The following PCDHAC2 variants were observed in gnomAD, a reference collection of about 807,000 sequenced individuals.
PCDHAC2 encodes the protein protocadherin alpha-C2.
A neutral mutation model predicts 63.3 loss-of-function variants in PCDHAC2; 24 were observed. That is an observed-to-expected ratio of 0.38 (90% CI 0.27 to 0.53). PCDHAC2 has a LOEUF of 0.53. PCDHAC2 is among the 20% of genes least tolerant of loss of function. The probability of loss-of-function intolerance (pLI) is 0.81; values close to 1 mark genes in which losing one functional copy is unlikely to be tolerated. For missense variants in PCDHAC2, 1,181 were observed against 1,275.2 expected (o/e 0.93, Z 1.12); for synonymous variants, 569 against 529.4 (o/e 1.07, Z -1.03).
At chr5:140,990,736 C>G (rs181451094) in intron 3 of PCDHAC2, among the ~76,000 whole-genome samples, 22 of 152,218 alleles carry the variant, frequency 1.4e-4, no homozygotes, top group African/African-American at 5.3e-4. Flanking sequence ...TATCAACAGC[C>G]CTAGGGTGGA....
chr5:141,009,298 T>C (rs1196659486), intron 3 of PCDHAC2, among the ~76,000 whole-genome samples: 1 of 152,130 alleles, frequency 6.6e-6, no homozygotes, highest in Non-Finnish European at 1.5e-5. Context: ...CTATAAAATT[T>C]TTTTTAAAAA....
intron 3 of PCDHAC2, among the ~76,000 whole-genome samples, chr5:141,004,253 C>G (rs1460798910): frequency 6.6e-6 from 1 of 152,200 alleles, no homozygotes; most frequent in Non-Finnish European, 1.5e-5. Flanking sequence ...TTTTGTTTTA[C>G]TGGAATGAGT....
In PCDHAC2 at chr5:140,987,075, G is replaced by A. The variant is rs564788093; in HGVS notation, c.2713+4512G>A. On this transcript the variant is annotated intron_variant, in intron 3 of 3. Coordinates refer to ENST00000289269, the MANE Select transcript of PCDHAC2 (RefSeq NM_018899.6). ...CTAAAGTTACAAAAATGAGCTGGGC[G>A]TGGTGGCAGGTGCCTGTAATCCCAG... is the stretch of plus-strand genomic sequence containing the variant. Among the ~76,000 whole-genome samples the A allele has an allele frequency of 3.7e-4, 57 of 152,124 alleles. No individual in the cohort carries two copies. In the East Asian group the frequency reaches 9.9e-3, roughly 26 times the overall value.
rs2096316993 is a variant in PCDHAC2 at position 140,969,307 on chromosome 5, A to C, written c.2541A>C (p.Lys847Asn). 1 of 1,614,192 alleles carries C rather than the reference A, an allele frequency of 6.2e-7. No homozygotes were observed. Among genetic ancestry groups the C allele is most frequent in the Non-Finnish European group, 8.5e-7 (1 of 1,180,022 alleles). The change falls in exon 1 of 4, where the codon AAA becomes AAC. Residue 847 changes from lysine (K) to asparagine (N), a missense_variant. Lys to Asn is a moderately conservative substitution (Grantham distance 94). Transcript: ENST00000289269. ...GQNAGNLIIL[K>N]NEAVSQNEPR... ...ATGCTGGGAACCTGATTATTCTCAA[A>C]AATGAGGCTGTTTCTCAAAATGAGG...
chr5:140,975,964 T>C (rs1554237162), intron 1 of PCDHAC2, among the ~76,000 whole-genome samples: 2 of 152,218 alleles, frequency 1.3e-5, no homozygotes, highest in South Asian at 2.1e-4. Flanking sequence ...TCTTCACCAA[T>C]AGAAAGTAAG....
intron 3 of PCDHAC2, 171 bp from the exon 4 acceptor site, chr5:141,009,456 C>CAAAT: frequency 3.2e-6 from 3 of 947,762 alleles, no homozygotes; most frequent in Non-Finnish European, 2.5e-6. Flanking sequence ...AAAAATTAAA[C>CAAAT]AAATAAATAA....
chr5:140,967,020 C>G lies in PCDHAC2; in HGVS notation c.254C>G (p.Pro85Arg), dbSNP rs782147091. 2.5e-6 allele frequency: 4 copies of G among 1,607,570 alleles called. No homozygotes were observed. The highest frequency in any genetic ancestry group is 1.3e-5 in the African/African-American group (1 of 74,898). The stretch of plus-strand genomic sequence containing the variant: ...TTGCGCATCAACCATCTGGGTGCGC[C>G]CAGTCCGCGCTACCTGGAGCTGGAC... ...GCLRINHLGAPSPRYLELDLT... is the reference protein window; with the variant it reads ...GCLRINHLGARSPRYLELDLT... Residue 85 changes from proline (P) to arginine (R), a missense_variant, in exon 1 of 4, where the codon CCC becomes CGC. Pro to Arg is a moderately radical substitution (Grantham distance 103). Transcript: ENST00000289269.
Position 140,966,905 on chromosome 5 carries a change from T to C in PCDHAC2, c.139T>C (p.Ser47Pro), listed in dbSNP as rs1554228876. Residue 47 changes from serine to proline, a missense_variant, in exon 1 of 4, where the codon TCT (serine) becomes CCT (proline). By Grantham distance (74) the Ser-to-Pro change is moderately conservative. Transcript: ENST00000289269. ...PGPAASQLRY[S>P]VPEEQAPGAL... is the part of the protein sequence containing the mutation. ...CCCTGCGGCCTCCCAGCTGCGATAC[T>C]CTGTGCCAGAGGAGCAGGCACCCGG... 1.9e-6 allele frequency: 3 copies of C among 1,600,790 alleles called. No homozygotes were observed. Among genetic ancestry groups the C allele is most frequent in the Non-Finnish European group, 2.5e-6 (3 of 1,177,098 alleles).
rs79247475 is a variant in PCDHAC2 at position 140,982,540 on chromosome 5, C to G, written c.2690C>G (p.Pro897Arg). The G allele has an allele frequency of 4.3e-3, 6,927 of 1,614,122 alleles. 34 individuals are homozygous for G. The highest frequency in any genetic ancestry group is 5.0e-3 in the South Asian group (455 of 91,080). Residue 897 changes from proline to arginine, a missense_variant, in exon 3 of 4, where the codon CCA becomes CGA. Physicochemically the swap from Pro to Arg is moderately radical, Grantham distance 103. Around this residue, in one of 3 missense-constraint regions of PCDHAC2, gnomAD observed 968 missense variants for 1,073.5 expected, o/e 0.90. Transcript: ENST00000289269. ...AGPGGPDQQW[P>R]TVSSATPEPE... ...CCAGGAGGGCCTGATCAGCAGTGGC[C>G]AACAGTATCCAGTGCAACACCAGGT...
In PCDHAC2 at chr5:141,010,504, A is replaced by C; in HGVS notation, c.*567A>C. On this transcript the variant is annotated 3_prime_UTR_variant, in exon 4 of 4. Transcript: ENST00000289269. ...AACTTAAAGGGACCAGACTTTCTAA[A>C]TCTTACAACTCAAGAGGTGGCAGCC... is the stretch of plus-strand genomic sequence containing the variant. 1.8e-6 allele frequency: 1 copy of C among 549,734 alleles called. No homozygotes were observed. Among genetic ancestry groups the C allele is most frequent in the Non-Finnish European group, 2.9e-6 (1 of 344,512 alleles). The allele number at this position is 549,734 out of a possible 1,614,324, so 34.1% of individuals were successfully genotyped here.
chr5:140,986,280 C>T (rs2097193236), intron 3 of PCDHAC2, among the ~76,000 whole-genome samples: 1 of 152,116 alleles, frequency 6.6e-6, no homozygotes, highest in African/African-American at 2.4e-5. Flanking sequence ...TTTCAGCTTC[C>T]CTTGAGACTG....
At chr5:141,004,843 A>G (rs2098184369) in intron 3 of PCDHAC2, among the ~76,000 whole-genome samples, 1 of 152,230 alleles carries the variant, frequency 6.6e-6, no homozygotes, top group African/African-American at 2.4e-5. Context: ...CAAAGTCATT[A>G]GTCTCAGAGA....
rs2096047340 is a variant in PCDHAC2 at position 140,966,740 on chromosome 5, C to CGGCT, written c.-25_-22dup. 7.0e-7 allele frequency: 1 copy of CGGCT among 1,422,580 alleles called. No individual in the cohort carries two copies. The highest frequency in any genetic ancestry group is 1.5e-5 in the African/African-American group (1 of 67,348). 88.1% of individuals were successfully genotyped at this position (1,422,580 alleles called of 1,614,324 possible). On this transcript the variant is annotated 5_prime_UTR_variant, in exon 1 of 4. Coordinates refer to ENST00000289269, the MANE Select transcript of PCDHAC2 (RefSeq NM_018899.6). Reference sequence around the variant, plus strand: ...GGAAGCTGCCGCCTCCGGCCCTGCCCGGCTGCCTCCGCCGCGGCCAGTGGC... The same window carrying CGGCT: ...GGAAGCTGCCGCCTCCGGCCCTGCCCGGCTGGCTGCCTCCGCCGCGGCCAGTGGC...
chr5:140,971,163 T>C (rs2096460132), intron 1 of PCDHAC2, among the ~76,000 whole-genome samples: 1 of 152,180 alleles, frequency 6.6e-6, no homozygotes, highest in Non-Finnish European at 1.5e-5. Flanking sequence ...AGGCTCAGCT[T>C]TGCCACCAGC....
In PCDHAC2 at chr5:141,010,220, C is replaced by T. The variant is rs114341618; in HGVS notation, c.*283C>T. ...CTCCTCCGCCGCAAAGGAGAGGCTT[C>T]CCAGCCCCGCCAGTGAGAGGTTGGA... On this transcript the variant is annotated 3_prime_UTR_variant, in exon 4 of 4. Coordinates refer to ENST00000289269, the MANE Select transcript of PCDHAC2 (RefSeq NM_018899.6). 2,711 of 1,551,728 alleles carry T rather than the reference C, an allele frequency of 1.7e-3. 46 individuals are homozygous for T. The African/African-American group carries it at 0.034, about 19-fold the overall frequency.
chr5:141,010,802 G>A lies in PCDHAC2; in HGVS notation c.*865G>A, dbSNP rs1323558356. On this transcript the variant is annotated 3_prime_UTR_variant, in exon 4 of 4. Coordinates refer to ENST00000289269, the MANE Select transcript of PCDHAC2 (RefSeq NM_018899.6). ...TTATGCAAAAGCAAAAGAAAACCCC[G>A]ACACCTCACCTTTCGCTGTTTGTTG... 6.5e-6 allele frequency: 1 copy of A among 153,554 alleles called. No homozygotes were observed. The highest frequency in any genetic ancestry group is 1.5e-5 in the Non-Finnish European group (1 of 68,024). The allele number at this position is 153,554 out of a possible 1,614,324, so 9.5% of individuals were successfully genotyped here. A position where few individuals can be genotyped will look rare whatever the true frequency, so the allele number is the denominator to read the frequency against.
chr5:140,979,972 C>T (rs1393315984), intron 2 of PCDHAC2, among the ~76,000 whole-genome samples: 1 of 152,176 alleles, frequency 6.6e-6, no homozygotes, highest in East Asian at 1.9e-4. Context: ...CATTAAAATG[C>T]ATTAGATTGA....
chr5:140,996,164 T>C (rs934521653), intron 3 of PCDHAC2, among the ~76,000 whole-genome samples: 2 of 152,246 alleles, frequency 1.3e-5, no homozygotes, highest in African/African-American at 4.8e-5. Context: ...TATACTGCAA[T>C]GTGCTGACAG....
At chr5:140,976,369 G>A (rs1464114589) in intron 1 of PCDHAC2, among the ~76,000 whole-genome samples, 1 of 151,996 alleles carries the variant, frequency 6.6e-6, no homozygotes, top group Non-Finnish European at 1.5e-5. Flanking sequence ...TGGCCAACAT[G>A]GTGAAACCCC....
Sources: gnomAD v4.1 joint callset for allele counts (sites outside exome capture counted in the v4.1 genomes callset) on GRCh38, gnomAD v4.1.1 for gene constraint, gnomAD v4.1.1 regional missense constraint, MANE v1.5 for transcripts, NCBI Gene and HGNC (gene_info 2026-07-23, HGNC 2026-07-21) for gene names.